Variants in LRRC4C observed in about 807,000 individuals in gnomAD.
The protein encoded by LRRC4C is leucine rich repeat containing 4C.
Under a neutral mutation model 33.6 loss-of-function variants are expected in LRRC4C, and 5 were observed. That is an observed-to-expected ratio of 0.15 (90% CI 0.08 to 0.31). The LOEUF (loss-of-function observed/expected upper bound fraction) is 0.31. Among genes scored for constraint, LRRC4C ranks in the 10% least tolerant of loss-of-function variants. The pLI, the probability that LRRC4C is intolerant of heterozygous loss-of-function variation, is 1.00. For synonymous variants in LRRC4C, 329 were observed against 302.0 expected, an observed-to-expected ratio of 1.09 and a Z score of -0.93; for missense variants, 560 against 796.7, an observed-to-expected ratio of 0.70 and a Z score of 3.58.
intron 2 of LRRC4C, among the ~76,000 whole-genome samples, chr11:40,841,731 A>G (rs1952923655): frequency 6.6e-6 from 1 of 152,212 alleles, no homozygotes; most frequent in Non-Finnish European, 1.5e-5. Context: ...ACAGCCTGGG[A>G]GGCAATAAAA....
chr11:40,503,541 G>T (rs1954882761), intron 3 of LRRC4C, among the ~76,000 whole-genome samples: 1 of 152,098 alleles, frequency 6.6e-6, no homozygotes, highest in African/African-American at 2.4e-5. Context: ...ATATTAAAAA[G>T]CCCAATGCAA....
At chr11:40,231,137 T>C (rs1403721981) in intron 5 of LRRC4C, among the ~76,000 whole-genome samples, 2 of 152,042 alleles carry the variant, frequency 1.3e-5, no homozygotes, top group African/African-American at 4.8e-5. Flanking sequence ...GAGGCTGAGG[T>C]GAGAGGATGT....
chr11:40,231,427 T>C (rs1565163978), intron 5 of LRRC4C, among the ~76,000 whole-genome samples: 1 of 151,730 alleles, frequency 6.6e-6, no homozygotes, highest in Non-Finnish European at 1.5e-5. Flanking sequence ...TATATTTGTA[T>C]ACACATATAA....
chr11:41,302,489 G>A (rs1950314434), intron 1 of LRRC4C, among the ~76,000 whole-genome samples: 1 of 152,148 alleles, frequency 6.6e-6, no homozygotes, highest in South Asian at 2.1e-4. Context: ...ATTAAACAAA[G>A]TCTGTAAGTA....
chr11:41,412,870 T>C (rs568185470), intron 1 of LRRC4C, among the ~76,000 whole-genome samples: 1 of 152,278 alleles, frequency 6.6e-6, no homozygotes. Flanking sequence ...GAGATTCTGC[T>C]CAGATCTGCA....
intron 5 of LRRC4C, among the ~76,000 whole-genome samples, chr11:40,195,118 A>T (rs1341136994): frequency 6.6e-6 from 1 of 152,090 alleles, no homozygotes; most frequent in African/African-American, 2.4e-5. Context: ...AAGAAAAAAG[A>T]AAAAAGGAAG....
intron 2 of LRRC4C, among the ~76,000 whole-genome samples, chr11:40,732,474 G>A (rs1029137840): frequency 3.3e-5 from 5 of 152,172 alleles, no homozygotes; most frequent in Non-Finnish European, 5.9e-5. Flanking sequence ...GTGACACTAA[G>A]TGTAAATTCA....
At chr11:40,211,339 A>G (rs1863591594) in intron 5 of LRRC4C, among the ~76,000 whole-genome samples, 1 of 152,180 alleles carries the variant, frequency 6.6e-6, no homozygotes, top group South Asian at 2.1e-4. Context: ...TCTCTGTTAG[A>G]TATGTGCTTT....
At chr11:40,891,934 G>A (rs1051634400) in intron 2 of LRRC4C, among the ~76,000 whole-genome samples, 2 of 151,952 alleles carry the variant, frequency 1.3e-5, no homozygotes, top group South Asian at 4.1e-4. Flanking sequence ...AGGAGATCGA[G>A]ACCATCCTGG....
Position 40,957,754 on chromosome 11 carries a change from C to G in LRRC4C, c.-495-24031G>C, listed in dbSNP as rs191657948. 2.6e-5 allele frequency among the ~76,000 whole-genome samples: 4 copies of G among 151,808 alleles called. No homozygotes were observed. The East Asian group carries it at 7.8e-4, about 30-fold the overall frequency. ...AGAGTGTGTGATGGCTGGATTCCTTCCCTTATGCAAATCTACTGGGGGATG... is the reference window on the plus strand; with the variant it reads ...AGAGTGTGTGATGGCTGGATTCCTTGCCTTATGCAAATCTACTGGGGGATG... On this transcript the variant is annotated intron_variant, in intron 1 of 6. Transcript: ENST00000528697.
intron 2 of LRRC4C, among the ~76,000 whole-genome samples, chr11:40,655,776 G>T (rs1297833891): frequency 6.6e-6 from 1 of 152,142 alleles, no homozygotes; most frequent in Non-Finnish European, 1.5e-5. Context: ...TTCTCACACT[G>T]CTATAAAGAC....
At chr11:40,280,545 C>T (rs759662416) in intron 4 of LRRC4C, among the ~76,000 whole-genome samples, 1 of 152,110 alleles carries the variant, frequency 6.6e-6, no homozygotes, top group Non-Finnish European at 1.5e-5. Flanking sequence ...GGAAAGTAAG[C>T]TAAAGGAGAG....
At chr11:40,628,431 T>C (rs1336581151) in intron 3 of LRRC4C, among the ~76,000 whole-genome samples, 2 of 152,092 alleles carry the variant, frequency 1.3e-5, no homozygotes, top group Non-Finnish European at 1.5e-5. Context: ...TGAGCCGAGA[T>C]TGCGCCACTG....
intron 2 of LRRC4C, among the ~76,000 whole-genome samples, chr11:40,932,295 G>A (rs1260743370): frequency 6.6e-6 from 1 of 152,036 alleles, no homozygotes; most frequent in East Asian, 1.9e-4. Context: ...TTAGATACTG[G>A]AAATGCAATG....
intron 1 of LRRC4C, among the ~76,000 whole-genome samples, chr11:40,970,098 C>A (rs1206864006): frequency 6.6e-6 from 1 of 152,116 alleles, no homozygotes; most frequent in Non-Finnish European, 1.5e-5. Context: ...CCCCAGCTGA[C>A]CCCTGCTGAC....
intron 3 of LRRC4C, among the ~76,000 whole-genome samples, chr11:40,370,891 T>C (rs903895049): frequency 6.6e-6 from 1 of 152,182 alleles, no homozygotes; most frequent in African/African-American, 2.4e-5. Flanking sequence ...TTATGCAGGA[T>C]TTTTATAGGC....
intron 1 of LRRC4C, among the ~76,000 whole-genome samples, chr11:41,255,949 T>C (rs1443794983): frequency 2.6e-5 from 4 of 151,928 alleles, no homozygotes; most frequent in African/African-American, 4.8e-5. Context: ...CTTGATAATA[T>C]CAAATATACC....
At chr11:40,605,457 C>A (rs1400890673) in intron 3 of LRRC4C, among the ~76,000 whole-genome samples, 1 of 151,986 alleles carries the variant, frequency 6.6e-6, no homozygotes, top group African/African-American at 2.4e-5. Flanking sequence ...AATCCAAAAA[C>A]CATTTAAGAG....
chr11:40,512,507 C>A (rs1955369690), intron 3 of LRRC4C, among the ~76,000 whole-genome samples: 1 of 152,166 alleles, frequency 6.6e-6, no homozygotes, highest in Non-Finnish European at 1.5e-5. Context: ...TTTCTGGTCT[C>A]ACTTGAAACA....
Sources: gnomAD v4.1 joint callset for allele counts (sites outside exome capture counted in the v4.1 genomes callset) on GRCh38, gnomAD v4.1.1 for gene constraint, MANE v1.5 for transcripts, NCBI Gene and HGNC (gene_info 2026-07-23, HGNC 2026-07-21) for gene names.